The following ARID4B variants were observed in gnomAD, a reference collection of about 807,000 sequenced individuals.
The protein encoded by ARID4B is AT-rich interactive domain-containing protein 4B.
ARID4B carries 26 observed loss-of-function variants against 147.5 expected under a neutral mutation model. That is an observed-to-expected ratio of 0.18 (90% CI 0.13 to 0.24). ARID4B has a LOEUF of 0.24. Among genes scored for constraint, ARID4B ranks in the 10% least tolerant of loss-of-function variants. The pLI is 1.00. For missense variants in ARID4B, 1,179 were observed against 1,511.5 expected (o/e 0.78, Z 3.65); for synonymous variants, 512 against 507.9 (o/e 1.01, Z -0.11).
At chr1:235,255,269 A>ATATCTATC (rs1553304390) in intron 5 of ARID4B, among the ~76,000 whole-genome samples, 1 of 131,616 alleles carries the variant, frequency 7.6e-6, no homozygotes, top group South Asian at 2.7e-4. Context: ...ATAGATATAT[A>ATATCTATC]TCTCTCTCTC....
chr1:235,264,628 T>C (rs1166387775), intron 2 of ARID4B, among the ~76,000 whole-genome samples: 4 of 152,228 alleles, frequency 2.6e-5, no homozygotes, highest in African/African-American at 2.4e-5. Context: ...AAGCACTCCA[T>C]TGTGATGTCT....
chr1:235,269,532 A>C (rs1670832063), intron 2 of ARID4B, among the ~76,000 whole-genome samples: 1 of 152,236 alleles, frequency 6.6e-6, no homozygotes, highest in Non-Finnish European at 1.5e-5. Context: ...ACACTGGAGT[A>C]CAATGGGTGA....
At position 235,219,872 on chromosome 1, in the gene ARID4B, C is replaced by T. The variant is rs751815790; in HGVS notation, c.1504G>A (p.Asp502Asn). The T allele has an allele frequency of 9.3e-6, 15 of 1,608,612 alleles. No homozygotes were observed. The highest frequency in any genetic ancestry group is 1.7e-4 in the Middle Eastern group (1 of 6,038). ...KKPEDNENLD[D>N]KDDDTTRVDE... ...ACCCTAGTTGTGTCATCATCTTTGT[C>T]ATCCAGATTTTCATTGTCTTCTGGT... is the stretch of plus-strand genomic sequence containing the variant. Residue 502 changes from aspartate (D) to asparagine (N), a missense_variant, in exon 16 of 24, where the codon GAC becomes AAC. Asp to Asn is a conservative substitution (Grantham distance 23). This residue lies in a region of ARID4B where 204 missense variants were observed against 210.9 expected (regional missense o/e 0.97). Transcript: ENST00000264183.
At chr1:235,311,517 T>A (rs1674049805) in intron 2 of ARID4B, among the ~76,000 whole-genome samples, 1 of 152,084 alleles carries the variant, frequency 6.6e-6, no homozygotes, top group South Asian at 2.1e-4. Context: ...GCACAGTGGC[T>A]CACACCTGTA....
intron 2 of ARID4B, among the ~76,000 whole-genome samples, chr1:235,280,721 G>A (rs533828169): frequency 1.1e-3 from 167 of 152,342 alleles, no homozygotes; most frequent in Non-Finnish European, 2.0e-3. Flanking sequence ...GAGCCCACTT[G>A]GTTATGGCAA....
intron 16 of ARID4B, 150 bp from the exon 17 acceptor site, chr1:235,214,176 T>C (rs1290321630): frequency 3.3e-6 from 3 of 921,168 alleles, no homozygotes; most frequent in Non-Finnish European, 4.7e-6. Flanking sequence ...TTCATTTTAC[T>C]ATTAAAAACT....
rs1291990088 is a variant in ARID4B at position 235,193,964 on chromosome 1, CAT to C, written c.2125+47_2125+48del. The stretch of plus-strand genomic sequence containing the variant: ...TGAATTACCTTTATAGAACTTGACT[CAT>C]AAATTAAAATCAAATACTTGCACAA... On this transcript the variant is annotated intron_variant, in intron 19 of 23. Transcript: ENST00000264183. 8.6e-6 allele frequency: 12 copies of C among 1,396,390 alleles called. No homozygotes were observed. In the East Asian group the frequency reaches 9.2e-5, roughly 11 times the overall value. The allele number at this position is 1,396,390 out of a possible 1,614,324, so 86.5% of individuals were successfully genotyped here. A position where few individuals can be genotyped will look rare whatever the true frequency, so the allele number is the denominator to read the frequency against.
At chr1:235,178,030 T>C in intron 20 of ARID4B, 117 bp from the exon 21 acceptor site, 2 of 519,216 alleles carry the variant, frequency 3.9e-6, no homozygotes, top group Non-Finnish European at 3.3e-6. Context: ...TTTATGACAT[T>C]TATAAGTTGT....
chr1:235,185,654 C>T (rs531168237), intron 19 of ARID4B, among the ~76,000 whole-genome samples: 3 of 152,272 alleles, frequency 2.0e-5, no homozygotes, highest in East Asian at 1.9e-4. Context: ...AAATATTCAT[C>T]GTCCTTACTT....
chr1:235,244,296 C>T (rs1244043758), intron 7 of ARID4B, among the ~76,000 whole-genome samples: 1 of 152,086 alleles, frequency 6.6e-6, no homozygotes, highest in Non-Finnish European at 1.5e-5. Context: ...GTAGCAGTTG[C>T]ACATAAACTT....
At chr1:235,246,550 T>C in intron 6 of ARID4B, 39 bp from the exon 7 acceptor site, 4 of 1,392,230 alleles carry the variant, frequency 2.9e-6, no homozygotes, top group Non-Finnish European at 4.1e-6. Context: ...AAATTAACAC[T>C]TTGCAAGTGC....
At chr1:235,253,523 T>G (rs571005382) in intron 5 of ARID4B, among the ~76,000 whole-genome samples, 249 of 152,374 alleles carry the variant, frequency 1.6e-3, no homozygotes, top group Non-Finnish European at 2.7e-3. Flanking sequence ...GTTAAGCAAC[T>G]TGGCTGCAGT....
rs999555982 is a variant in ARID4B, at chr1:235,205,751, C to T, written c.1841+8018G>A. On this transcript the variant is annotated intron_variant, in intron 17 of 23. Transcript: ENST00000264183. ...TCCTCTAAAGAAGATATACAAATGG[C>T]TAATAAGTACATGAAAAAATGTTCA... Among the ~76,000 whole-genome samples the T allele has an allele frequency of 6.6e-5, 10 of 152,142 alleles. No homozygotes were observed. The East Asian group carries it at 9.6e-4, about 15-fold the overall frequency.
At chr1:235,247,480 T>C (rs1669369663) in intron 6 of ARID4B, among the ~76,000 whole-genome samples, 1 of 152,206 alleles carries the variant, frequency 6.6e-6, no homozygotes, top group Admixed American at 6.5e-5. Flanking sequence ...TATGTAAATG[T>C]GTTTAAGGTA....
At chr1:235,251,274 A>G (rs964973821) in intron 6 of ARID4B, among the ~76,000 whole-genome samples, 1 of 152,112 alleles carries the variant, frequency 6.6e-6, no homozygotes, top group Non-Finnish European at 1.5e-5. Flanking sequence ...CAAAACGACC[A>G]ATTTGGGTAG....
intron 5 of ARID4B, among the ~76,000 whole-genome samples, chr1:235,255,259 A>ATCTATCTATCTATC (rs375747308): frequency 7.2e-4 from 66 of 91,642 alleles, no homozygotes; most frequent in Non-Finnish European, 1.3e-3. Context: ...AGATAGATAG[A>ATCTATCTATCTATC]TAGATATATA....
intron 17 of ARID4B, among the ~76,000 whole-genome samples, chr1:235,209,556 G>GTTTTTTTTT (rs547505296): frequency 2.0e-5 from 3 of 147,036 alleles, no homozygotes; most frequent in Non-Finnish European, 1.5e-5. Flanking sequence ...TGATTTTTTT[G>GTTTTTTTTT]TTTTTTGTTT....
intron 2 of ARID4B, among the ~76,000 whole-genome samples, chr1:235,273,002 T>C (rs1332354377): frequency 6.6e-6 from 1 of 152,142 alleles, no homozygotes; most frequent in East Asian, 1.9e-4. Context: ...GGCAATTTTG[T>C]TTGGGTAAGC....
chr1:235,198,448 C>T (rs1251862171), intron 17 of ARID4B, among the ~76,000 whole-genome samples: 1 of 152,126 alleles, frequency 6.6e-6, no homozygotes, highest in Non-Finnish European at 1.5e-5. Flanking sequence ...AAGGAAGATT[C>T]CTTTATTACT....
Sources: allele counts gnomAD v4.1 joint callset (sites outside exome capture counted in the v4.1 genomes callset), GRCh38; gene constraint gnomAD v4.1.1; regional missense constraint gnomAD v4.1.1; transcripts MANE v1.5; gene names NCBI Gene and HGNC (gene_info 2026-07-23, HGNC 2026-07-21).